The following ADGRL3 variants were observed in gnomAD, a reference collection of about 807,000 sequenced individuals.
ADGRL3 encodes the protein calcium-independent alpha-latrotoxin receptor 3.
ADGRL3 carries 62 observed loss-of-function variants against 153.5 expected under a neutral mutation model. The ratio of observed to expected loss-of-function variants is 0.40; its 90% CI spans 0.33 to 0.50. The LOEUF (loss-of-function observed/expected upper bound fraction) is 0.50. Among genes scored for constraint, ADGRL3 ranks in the 20% least tolerant of loss-of-function variants. The pLI is 0.47. For synonymous variants in ADGRL3, 710 were observed against 672.5 expected (o/e 1.06, Z -0.86); for missense variants, 1,641 against 1,859.4 (o/e 0.88, Z 2.16).
rs961631696 is a variant in ADGRL3, at chr4:61,732,883, C to G, written c.728C>G (p.Thr243Ser). Residue 243 changes from threonine to serine, a missense_variant, in exon 8 of 27, where the codon ACT becomes AGT. Physicochemically the swap from Thr to Ser is moderately conservative, Grantham distance 58. This residue lies in a region of ADGRL3 where 213 missense variants were observed against 362.1 expected (regional missense o/e 0.59). Transcript: ENST00000683033. ...GACAAGATTTATTATATGCCCTGGA[C>G]TCCCTACAGAACTGATACCCTGACT... ...ASDKIYYMPW[T>S]PYRTDTLTEY... The G allele has an allele frequency of 3.1e-6, 5 of 1,613,536 alleles. No homozygotes were observed. The Admixed American group carries it at 8.3e-5, about 27-fold the overall frequency.
chr4:61,275,299 A>C lies in ADGRL3; in HGVS notation c.-240+73534A>C, dbSNP rs950075586. 5.3e-5 allele frequency among the ~76,000 whole-genome samples: 8 copies of C among 152,174 alleles called. No individual in the cohort carries two copies. The East Asian group carries it at 1.4e-3, about 26-fold the overall frequency. On this transcript the variant is annotated intron_variant, in intron 1 of 26. Transcript: ENST00000683033. Reference sequence around the variant, plus strand: ...GGGATTCTGCCTTTATCAACTTAGAATGGTACCTGAAACAGTGCTTTTTAA... The same window carrying C: ...GGGATTCTGCCTTTATCAACTTAGACTGGTACCTGAAACAGTGCTTTTTAA...
intron 5 of ADGRL3, among the ~76,000 whole-genome samples, chr4:61,612,344 T>C (rs939083589): frequency 1.3e-5 from 2 of 152,132 alleles, no homozygotes; most frequent in South Asian, 2.1e-4. Flanking sequence ...CTCCAAATGA[T>C]AGTCTGCTAA....
intron 2 of ADGRL3, among the ~76,000 whole-genome samples, chr4:61,409,269 A>ATACATAATATATATTATATATTAGACG (rs2097050752): frequency 3.5e-5 from 5 of 143,762 alleles, no homozygotes; most frequent in African/African-American, 1.0e-4. Flanking sequence ...TATATTAGAC[A>ATACATAATATATATTATATATTAGACG]TACATAATAT....
chr4:61,297,042 A>C (rs1199224236), intron 1 of ADGRL3, among the ~76,000 whole-genome samples: 1 of 152,162 alleles, frequency 6.6e-6, no homozygotes, highest in Non-Finnish European at 1.5e-5. Flanking sequence ...AAACAACAAA[A>C]AATAGTAGAT....
chr4:61,433,356 C>CT (rs77395683), intron 2 of ADGRL3, among the ~76,000 whole-genome samples: 24 of 101,928 alleles, frequency 2.4e-4, no homozygotes, highest in East Asian at 6.1e-4. Flanking sequence ...CTGTGAATAG[C>CT]TTTTTTTTTA....
chr4:61,398,711 C>T (rs2096896095), intron 2 of ADGRL3, among the ~76,000 whole-genome samples: 2 of 151,642 alleles, frequency 1.3e-5, no homozygotes, highest in South Asian at 2.1e-4. Context: ...TCTCTTCTCT[C>T]TCTCTCTCTG....
At chr4:61,758,019 C>T (rs2096859273) in intron 8 of ADGRL3, among the ~76,000 whole-genome samples, 1 of 152,136 alleles carries the variant, frequency 6.6e-6, no homozygotes, top group Non-Finnish European at 1.5e-5. Context: ...TTTACATTTG[C>T]TGAGGAGTGC....
At chr4:61,560,008 G>A (rs771799590) in intron 4 of ADGRL3, among the ~76,000 whole-genome samples, 3 of 151,872 alleles carry the variant, frequency 2.0e-5, no homozygotes, top group Non-Finnish European at 4.4e-5. Flanking sequence ...ACATGAAAAA[G>A]TACTAATCCT....
At chr4:61,458,699 TTAG>T (rs2097779318) in intron 2 of ADGRL3, among the ~76,000 whole-genome samples, 1 of 151,524 alleles carries the variant, frequency 6.6e-6, no homozygotes, top group African/African-American at 2.4e-5. Context: ...CACAAATTGT[TTAG>T]GTAGCTAATA....
chr4:61,726,427 G>C (rs576507360), intron 6 of ADGRL3, among the ~76,000 whole-genome samples: 1 of 151,728 alleles, frequency 6.6e-6, no homozygotes, highest in African/African-American at 2.4e-5. Context: ...TCGAACTCCC[G>C]AACTCAGGTG....
In ADGRL3 at chr4:61,517,439, T is replaced by A; in HGVS notation, c.180T>A (p.Ala60=). 1.2e-6 allele frequency: 1 copy of A among 800,206 alleles called. No homozygotes were observed. 49.6% of individuals were successfully genotyped at this position (800,206 alleles called of 1,614,324 possible). A position where few individuals can be genotyped will look rare whatever the true frequency, so the allele number is the denominator to read the frequency against. ...LQQPAAERTA[A]HRGQGPRGAT... ...AGCCAGCTGCAGAGCGCACCGCTGC[T>A]CATCGTGGACAAGGGCCCCGTGGAG... The change falls in exon 4 of 27, where the codon GCT becomes GCA. Residue 60 remains alanine, a synonymous_variant. Transcript: ENST00000683033.
intron 2 of ADGRL3, among the ~76,000 whole-genome samples, chr4:61,448,939 A>T (rs1328479114): frequency 1.3e-5 from 2 of 148,360 alleles, no homozygotes; most frequent in Non-Finnish European, 3.0e-5. Context: ...ACAGTTATTA[A>T]TTAGGAGATT....
intron 2 of ADGRL3, among the ~76,000 whole-genome samples, chr4:61,469,559 C>T (rs546001644): frequency 2.2e-3 from 331 of 152,008 alleles, no homozygotes; most frequent in Non-Finnish European, 3.3e-3. Context: ...CCTGTGCTCT[C>T]TTAGGCATTT....
intron 1 of ADGRL3, among the ~76,000 whole-genome samples, chr4:61,260,198 C>T (rs553179438): frequency 6.6e-6 from 1 of 152,252 alleles, no homozygotes; most frequent in African/African-American, 2.4e-5. Flanking sequence ...TATTTGAAAC[C>T]TAACGATGGT....
intron 1 of ADGRL3, among the ~76,000 whole-genome samples, chr4:61,363,276 A>T (rs1359920262): frequency 6.6e-6 from 1 of 151,980 alleles, no homozygotes; most frequent in Admixed American, 6.6e-5. Context: ...TGTGGGTGGA[A>T]TTTTCAGTTG....
chr4:61,467,191 G>A (rs1210550696), intron 2 of ADGRL3, among the ~76,000 whole-genome samples: 2 of 152,002 alleles, frequency 1.3e-5, no homozygotes, highest in Admixed American at 6.6e-5. Context: ...CATAAGAGAA[G>A]TGTAAACATT....
At chr4:61,693,848 T>C (rs1485685041) in intron 6 of ADGRL3, among the ~76,000 whole-genome samples, 3 of 152,142 alleles carry the variant, frequency 2.0e-5, no homozygotes, top group Admixed American at 1.3e-4. Flanking sequence ...GAAACAGATA[T>C]ACTTTGATTC....
chr4:61,867,207 A>G (rs928320493), intron 9 of ADGRL3, among the ~76,000 whole-genome samples: 4 of 152,160 alleles, frequency 2.6e-5, no homozygotes, highest in East Asian at 1.9e-4. Context: ...GTGATTTAAG[A>G]TTGTAGGAGA....
chr4:61,698,174 G>A (rs773081134), intron 6 of ADGRL3, among the ~76,000 whole-genome samples: 6 of 152,036 alleles, frequency 3.9e-5, no homozygotes, highest in Non-Finnish European at 7.4e-5. Context: ...TACTGAGGCC[G>A]GGCGTGGTGG....
Sources: gnomAD v4.1 joint callset for allele counts (sites outside exome capture counted in the v4.1 genomes callset) on GRCh38, gnomAD v4.1.1 for gene constraint, gnomAD v4.1.1 regional missense constraint, MANE v1.5 for transcripts, NCBI Gene and HGNC (gene_info 2026-07-23, HGNC 2026-07-21) for gene names.